Variants in PCBP3 observed in about 807,000 individuals in gnomAD.
The protein encoded by PCBP3 is poly(rC) binding protein 3.
A neutral mutation model predicts 52.7 loss-of-function variants in PCBP3; 25 were observed. The ratio of observed to expected loss-of-function variants is 0.47; its 90% CI spans 0.35 to 0.66. The LOEUF is 0.66. Ranked by LOEUF, PCBP3 falls within the 30% of genes least tolerant of loss-of-function variation. The probability of loss-of-function intolerance (pLI) is 0.01; values close to 1 mark genes in which losing one functional copy is unlikely to be tolerated. For missense variants in PCBP3, 391 were observed against 490.3 expected (o/e 0.80, Z 1.91); for synonymous variants, 162 against 183.0 (o/e 0.89, Z 0.93).
chr21:45,739,330 C>CCCCCA (rs2086194697), intron 3 of PCBP3, among the ~76,000 whole-genome samples: 11 of 37,906 alleles, frequency 2.9e-4, no homozygotes, highest in South Asian at 7.2e-4. Flanking sequence ...TGGGTGGCCC[C>CCCCCA]TCCCATCTTC....
In PCBP3 at chr21:45,900,587, C is replaced by A. The variant is rs201651573; in HGVS notation, c.190-4C>A. Reference sequence around the variant, plus strand: ...TTTCCTTATTGTCTAAATCTTTATTCCAGAAAGGAGAAACTGTGAAGAAGA... The same window carrying A: ...TTTCCTTATTGTCTAAATCTTTATTACAGAAAGGAGAAACTGTGAAGAAGA... On this transcript the variant is annotated splice_region_variant and splice_polypyrimidine_tract_variant and intron_variant, in intron 7 of 17. Transcript: ENST00000681687. 5.6e-6 allele frequency: 9 copies of A among 1,610,446 alleles called. No individual in the cohort carries two copies. In the South Asian group the frequency reaches 9.9e-5, roughly 18 times the overall value.
Position 45,907,833 on chromosome 21 carries a change from A to C in PCBP3, c.340-1522A>C, listed in dbSNP as rs56697196. Among the ~76,000 whole-genome samples, 405 of 141,520 alleles carry C rather than the reference A, an allele frequency of 2.9e-3. 5 individuals are homozygous for C. In the East Asian group the frequency reaches 0.046, roughly 16 times the overall value. The allele number at this position is 141,520 out of a possible 152,430, so 92.8% of individuals were successfully genotyped here. A position where few individuals can be genotyped will look rare whatever the true frequency, so the allele number is the denominator to read the frequency against. On this transcript the variant is annotated intron_variant, in intron 9 of 17. Transcript: ENST00000681687. ...GAAAAGATAGAGGTAGAGTCGATGG[A>C]GGAGCTGGAAGGGAAGGACGGGGCG...
intron 5 of PCBP3, among the ~76,000 whole-genome samples, chr21:45,863,319 TGGC>T (rs1258490962): frequency 6.6e-6 from 1 of 152,226 alleles, no homozygotes; most frequent in Admixed American, 6.5e-5. Context: ...CATGGCAGAC[TGGC>T]GGCAGCAGCA....
At position 45,827,921 on chromosome 21, in the gene PCBP3, T is replaced by A. The variant is rs533445404; in HGVS notation, c.-125-22040T>A. On this transcript the variant is annotated intron_variant, in intron 4 of 17. Coordinates refer to ENST00000681687, the MANE Select transcript of PCBP3 (RefSeq NM_001384156.1). This position sits in a 1 kb window ranked among gnomAD's most constrained non-coding sequence, Gnocchi z 4.3. ...AGGAGGCAGAGCAGCTCTGAGGGGC[T>A]TGGGGAGGCTGTAGTAATGAAAGGT... 6.6e-6 allele frequency: 1 copy of A among 152,442 alleles called. No individual in the cohort carries two copies. The highest frequency in any genetic ancestry group is 1.9e-4 in the East Asian group (1 of 5,178). The allele number at this position is 152,442 out of a possible 1,614,324, so 9.4% of individuals were successfully genotyped here.
At chr21:45,708,654 C>T (rs2083615506) in intron 2 of PCBP3, among the ~76,000 whole-genome samples, 1 of 152,182 alleles carries the variant, frequency 6.6e-6, no homozygotes, top group Admixed American at 6.5e-5. Context: ...CCGTAGCTTG[C>T]AGCAGGGGTG....
At chr21:45,924,405 G>A (rs2075033000) in intron 13 of PCBP3, among the ~76,000 whole-genome samples, 2 of 142,994 alleles carry the variant, frequency 1.4e-5, no homozygotes, top group Non-Finnish European at 3.0e-5. Flanking sequence ...ACGTAAGATC[G>A]GGTGTGCACG....
intron 5 of PCBP3, among the ~76,000 whole-genome samples, chr21:45,868,411 C>CTTTTTT (rs1232045625): frequency 0.023 from 2,588 of 113,514 alleles, 42 homozygotes; most frequent in Middle Eastern, 0.069. Context: ...CTTATTTGTT[C>CTTTTTT]TTTTTTTTTT....
At position 45,688,865 on chromosome 21, in the gene PCBP3, TA is replaced by T. The variant is rs201026747; in HGVS notation, c.-200+19923del. ...GATAACTTAGAAAAATTCAGTACCT[TA>T]AAAAAAAAACAACAACAAAAACAAA... On this transcript the variant is annotated intron_variant, in intron 2 of 17. Coordinates refer to ENST00000681687, the MANE Select transcript of PCBP3 (RefSeq NM_001384156.1). Among the ~76,000 whole-genome samples the T allele has an allele frequency of 2.9e-3, 422 of 146,476 alleles. 3 individuals carry two copies. The Middle Eastern group carries it at 0.031, about 11-fold the overall frequency.
chr21:45,898,249 C>G (rs531396443), intron 6 of PCBP3, among the ~76,000 whole-genome samples: 3 of 152,118 alleles, frequency 2.0e-5, no homozygotes, highest in African/African-American at 7.2e-5. Context: ...TTGACGGGGG[C>G]CCCTCCCTGT....
chr21:45,903,179 G>A (rs1019109616), intron 9 of PCBP3, among the ~76,000 whole-genome samples: 1 of 152,162 alleles, frequency 6.6e-6, no homozygotes, highest in Non-Finnish European at 1.5e-5. Context: ...GGAGACTGGG[G>A]AAGGGCTGTT....
At chr21:45,895,359 TC>T (rs1257627789) in intron 5 of PCBP3, among the ~76,000 whole-genome samples, 2 of 152,270 alleles carry the variant, frequency 1.3e-5, no homozygotes, top group East Asian at 3.9e-4. Flanking sequence ...AGGTTTCTGT[TC>T]CTGGTGGGTT....
At chr21:45,781,613 C>A (rs750865893) in intron 4 of PCBP3, among the ~76,000 whole-genome samples, 2 of 152,190 alleles carry the variant, frequency 1.3e-5, no homozygotes, top group Non-Finnish European at 2.9e-5. Flanking sequence ...TACCTACCAA[C>A]ATCCCACTAG....
intron 4 of PCBP3, among the ~76,000 whole-genome samples, chr21:45,806,350 C>T (rs1323372598): frequency 6.6e-6 from 1 of 151,238 alleles, no homozygotes; most frequent in African/African-American, 2.5e-5. Context: ...GAGGTGAGGC[C>T]AGGAGACGTG....
At chr21:45,935,884 T>G (rs576745120) in intron 16 of PCBP3, among the ~76,000 whole-genome samples, 1 of 152,362 alleles carries the variant, frequency 6.6e-6, no homozygotes, top group East Asian at 1.9e-4. Flanking sequence ...GCACGGGTCT[T>G]GAGGATAGAG....
chr21:45,855,904 G>A (rs978328334), intron 5 of PCBP3, among the ~76,000 whole-genome samples: 14 of 152,244 alleles, frequency 9.2e-5, no homozygotes, highest in Admixed American at 2.6e-4. Context: ...TAAGGAGCCT[G>A]GGGAGTCACA....
At chr21:45,934,332 G>A (rs1341325259) in intron 15 of PCBP3, among the ~76,000 whole-genome samples, 3 of 152,094 alleles carry the variant, frequency 2.0e-5, no homozygotes, top group Non-Finnish European at 2.9e-5. Flanking sequence ...TGAGCACGAA[G>A]AGCAGAGCAG....
intron 4 of PCBP3, among the ~76,000 whole-genome samples, chr21:45,784,826 A>G (rs1415154146): frequency 6.6e-6 from 1 of 152,140 alleles, no homozygotes; most frequent in African/African-American, 2.4e-5. Flanking sequence ...TCCACCTCCC[A>G]GCAGCCTGCC....
chr21:45,876,234 G>T (rs1054602501), intron 5 of PCBP3, among the ~76,000 whole-genome samples: 2 of 152,236 alleles, frequency 1.3e-5, no homozygotes, highest in Non-Finnish European at 2.9e-5. Context: ...AGCTCTCAGG[G>T]TGGCCTACCC....
chr21:45,788,424 C>T lies in PCBP3; in HGVS notation c.-126+32972C>T. On this transcript the variant is annotated intron_variant, in intron 4 of 17. Transcript: ENST00000681687. This position sits in a 1 kb window ranked among gnomAD's most constrained non-coding sequence, Gnocchi z 4.3. ...GGTGACCTGCCTGCCCGGCCCCGTTCTGTTCCAGATGATGGCTCACCTGTG... is the reference window on the plus strand; with the variant it reads ...GGTGACCTGCCTGCCCGGCCCCGTTTTGTTCCAGATGATGGCTCACCTGTG... 6.5e-6 allele frequency: 1 copy of T among 153,470 alleles called. No homozygotes were observed. The highest frequency in any genetic ancestry group is 1.4e-5 in the Non-Finnish European group (1 of 68,984). 9.5% of individuals were successfully genotyped at this position (153,470 alleles called of 1,614,324 possible). A position where few individuals can be genotyped will look rare whatever the true frequency, so the allele number is the denominator to read the frequency against.
Sources: allele counts gnomAD v4.1 joint callset (sites outside exome capture counted in the v4.1 genomes callset), GRCh38; gene constraint gnomAD v4.1.1; non-coding constraint Gnocchi (gnomAD v3.1); transcripts MANE v1.5; gene names NCBI Gene and HGNC (gene_info 2026-07-23, HGNC 2026-07-21).